Variants in RASSF5 observed in about 807,000 individuals in gnomAD.
The protein encoded by RASSF5 is Ras association domain family member 5.
Under a neutral mutation model 40.5 loss-of-function variants are expected in RASSF5, and 25 were observed. That is an observed-to-expected ratio of 0.62 (90% CI 0.45 to 0.86). The LOEUF is 0.86. Among genes scored for constraint, RASSF5 ranks in the 40% least tolerant of loss-of-function variants. RASSF5 has a pLI of 0.00. For synonymous variants in RASSF5, 246 were observed against 252.4 expected (o/e 0.97, Z 0.24); for missense variants, 521 against 572.8 (o/e 0.91, Z 0.92).
At chr1:206,518,225 G>A (rs1198147194) in intron 1 of RASSF5, among the ~76,000 whole-genome samples, 1 of 151,996 alleles carries the variant, frequency 6.6e-6, no homozygotes, top group Non-Finnish European at 1.5e-5. Flanking sequence ...ACCTCAGTGC[G>A]GAGACAGAAG....
rs74823121 is a variant in RASSF5, at chr1:206,509,406, C to G, written c.457+1347C>G. On this transcript the variant is annotated intron_variant, in intron 1 of 5. Transcript: ENST00000579436. ...TCCACCAGAACCCCCAGTTCAGGTGCTAATTAAGAAGGAAGGAGTAAAGGT... is the reference window on the plus strand; with the variant it reads ...TCCACCAGAACCCCCAGTTCAGGTGGTAATTAAGAAGGAAGGAGTAAAGGT... Among the ~76,000 whole-genome samples, 556 of 152,322 alleles carry G rather than the reference C, an allele frequency of 3.7e-3. 6 individuals carry two copies. The highest frequency in any genetic ancestry group is 4.6e-3 in the Non-Finnish European group (316 of 68,020).
Position 206,531,121 on chromosome 1 carries a change from C to G in RASSF5, c.458-7051C>G, listed in dbSNP as rs1667226924. On this transcript the variant is annotated intron_variant, in intron 1 of 5. Transcript: ENST00000579436. The surrounding 1 kb of genome is among the most constrained non-coding windows in gnomAD (Gnocchi z 4.7). ...ATCTCCATTTAACAGATGAGGAAAC[C>G]AAGGCCACTAGAGGTTAGGACACCG... Among the ~76,000 whole-genome samples the G allele has an allele frequency of 6.6e-6, 1 of 152,196 alleles. No homozygotes were observed. The highest frequency in any genetic ancestry group is 1.5e-5 in the Non-Finnish European group (1 of 68,046).
In RASSF5 at chr1:206,540,842, G is replaced by A. The variant is rs547810768; in HGVS notation, c.579+2549G>A. On this transcript the variant is annotated intron_variant, in intron 2 of 5. Coordinates refer to ENST00000579436, the MANE Select transcript of RASSF5 (RefSeq NM_182663.4). ...CTCAGATCTGAGCTCAGCTACTTCC[G>A]GGTATATATGGCTTAGGGGGGTCTC... 1.1e-4 allele frequency among the ~76,000 whole-genome samples: 17 copies of A among 152,170 alleles called. No individual in the cohort carries two copies. The South Asian group carries it at 1.2e-3, about 11-fold the overall frequency.
intron 2 of RASSF5, among the ~76,000 whole-genome samples, chr1:206,569,099 C>T (rs1241836934): frequency 6.6e-6 from 1 of 152,226 alleles, no homozygotes; most frequent in Admixed American, 6.5e-5. Flanking sequence ...GCAGAGCTTC[C>T]GCTTGGCCCT....
intron 2 of RASSF5, chr1:206,557,543 C>T: frequency 6.2e-7 from 1 of 1,612,418 alleles, no homozygotes; most frequent in Non-Finnish European, 8.5e-7. Context: ...CCTTGATGCG[C>T]TGGCGGCCTC....
intron 1 of RASSF5, among the ~76,000 whole-genome samples, chr1:206,521,823 A>G (rs1666917191): frequency 6.6e-6 from 1 of 152,128 alleles, no homozygotes; most frequent in Non-Finnish European, 1.5e-5. Flanking sequence ...GATGGGTGAG[A>G]GGGCCCAGAG....
intron 2 of RASSF5, among the ~76,000 whole-genome samples, chr1:206,548,160 ATTC>A (rs1667744141): frequency 1.3e-5 from 2 of 152,226 alleles, no homozygotes; most frequent in Admixed American, 6.5e-5. Flanking sequence ...TATATAACAT[ATTC>A]TTCTTTTTTC....
At chr1:206,551,946 C>A (rs1572333544) in intron 2 of RASSF5, among the ~76,000 whole-genome samples, 2 of 152,240 alleles carry the variant, frequency 1.3e-5, no homozygotes, top group East Asian at 1.9e-4. Context: ...TCAGAAATAG[C>A]TTTTGTCACT....
chr1:206,512,753 G>A (rs1243234105), intron 1 of RASSF5, among the ~76,000 whole-genome samples: 8 of 152,220 alleles, frequency 5.3e-5, no homozygotes, highest in African/African-American at 1.9e-4. Context: ...TGTGAAGTGT[G>A]AGCAGGTCAG....
chr1:206,568,510 C>T (rs1377645729), intron 2 of RASSF5, among the ~76,000 whole-genome samples: 10 of 152,152 alleles, frequency 6.6e-5, no homozygotes, highest in Admixed American at 6.5e-5. Flanking sequence ...TGTGGGTATG[C>T]GGGGTGCTGG....
At chr1:206,567,342 G>C (rs1212765562) in intron 2 of RASSF5, among the ~76,000 whole-genome samples, 1 of 152,196 alleles carries the variant, frequency 6.6e-6, no homozygotes, top group Non-Finnish European at 1.5e-5. Context: ...CTGCCTTTCA[G>C]CTTTGGGGAA....
intron 2 of RASSF5, among the ~76,000 whole-genome samples, chr1:206,550,500 T>A (rs544094675): frequency 6.6e-6 from 1 of 151,938 alleles, no homozygotes; most frequent in African/African-American, 2.4e-5. Flanking sequence ...TTTGTGGAGG[T>A]TTTTTGCATT....
intron 2 of RASSF5, among the ~76,000 whole-genome samples, chr1:206,580,393 C>T (rs966408838): frequency 1.3e-5 from 2 of 152,270 alleles, no homozygotes; most frequent in East Asian, 1.9e-4. Flanking sequence ...AAGCTATTAC[C>T]TCCTGAGGAG....
intron 1 of RASSF5, among the ~76,000 whole-genome samples, chr1:206,524,202 G>A (rs1205741016): frequency 2.9e-5 from 4 of 135,702 alleles, no homozygotes; most frequent in African/African-American, 8.1e-5. Flanking sequence ...GATACCATAT[G>A]TAATATACTT....
intron 2 of RASSF5, among the ~76,000 whole-genome samples, chr1:206,573,558 C>A (rs1223272941): frequency 6.6e-6 from 1 of 152,194 alleles, no homozygotes; most frequent in African/African-American, 2.4e-5. Flanking sequence ...GAAATTAAGA[C>A]CTCAAGAACC....
At chr1:206,583,176 C>T in intron 2 of RASSF5, 93 bp from the exon 3 acceptor site, 1 of 819,986 alleles carries the variant, frequency 1.2e-6, no homozygotes, top group Non-Finnish European at 2.1e-6. Context: ...ATGCTCACTT[C>T]TTGGTTAGAG....
At chr1:206,538,557 T>A (rs1553398985) in intron 2 of RASSF5, among the ~76,000 whole-genome samples, 2 of 152,098 alleles carry the variant, frequency 1.3e-5, no homozygotes, top group African/African-American at 4.8e-5. Context: ...GAGATGTGGG[T>A]ATGAGTGAGC....
chr1:206,532,978 G>A (rs560667547), intron 1 of RASSF5, among the ~76,000 whole-genome samples: 27 of 152,314 alleles, frequency 1.8e-4, no homozygotes, highest in Middle Eastern at 3.4e-3. Context: ...GTGCCTCTGT[G>A]TGTGTGTGCA....
chr1:206,508,198 C>T lies in RASSF5; in HGVS notation c.457+139C>T, dbSNP rs1666515754. ...AGCCCCGAACATAAGGAGATAACAA[C>T]CCCTGGGGACAGTCCGCTCCTTAGT... On this transcript the variant is annotated intron_variant, in intron 1 of 5. Coordinates refer to ENST00000579436, the MANE Select transcript of RASSF5 (RefSeq NM_182663.4). 1.1e-5 allele frequency: 7 copies of T among 614,372 alleles called. No homozygotes were observed. In the East Asian group the frequency reaches 2.4e-4, roughly 21 times the overall value. The allele number at this position is 614,372 out of a possible 1,614,324, so 38.1% of individuals were successfully genotyped here.
Sources: allele counts gnomAD v4.1 joint callset (sites outside exome capture counted in the v4.1 genomes callset), GRCh38; gene constraint gnomAD v4.1.1; non-coding constraint Gnocchi (gnomAD v3.1); transcripts MANE v1.5; gene names NCBI Gene and HGNC (gene_info 2026-07-23, HGNC 2026-07-21).